Variants in CSMD1 observed in about 807,000 individuals in gnomAD.
CSMD1 encodes the protein CUB and Sushi multiple domains 1, also known as CUB and sushi domain-containing protein 1.
A neutral mutation model predicts 417.5 loss-of-function variants in CSMD1; 213 were observed. The ratio of observed to expected loss-of-function variants is 0.51; its 90% CI spans 0.46 to 0.57. The LOEUF (loss-of-function observed/expected upper bound fraction) is 0.57, where lower values mean the gene tolerates loss of function less well. Among genes scored for constraint, CSMD1 ranks in the 20% least tolerant of loss-of-function variants. CSMD1 has a pLI of 0.00. For synonymous variants in CSMD1, 2,862 were observed against 1,736.8 expected (o/e 1.65, Z -16.11); for missense variants, 6,923 against 4,529.7 (o/e 1.53, Z -15.17).
intron 2 of CSMD1, among the ~76,000 whole-genome samples, chr8:4,464,295 T>C (rs1338618953): frequency 6.6e-6 from 1 of 152,188 alleles, no homozygotes; most frequent in Admixed American, 6.5e-5. Context: ...TATGTATGCA[T>C]GCAATGGACA....
intron 5 of CSMD1, among the ~76,000 whole-genome samples, chr8:3,875,891 C>T (rs1805783861): frequency 6.6e-6 from 1 of 152,136 alleles, no homozygotes. Flanking sequence ...GGTAGGAAAT[C>T]ACAAGCAAAT....
intron 3 of CSMD1, among the ~76,000 whole-genome samples, chr8:4,401,174 A>G (rs897749689): frequency 6.6e-5 from 10 of 152,210 alleles, no homozygotes; most frequent in African/African-American, 2.2e-4. Flanking sequence ...CAGGGGTTCC[A>G]TCCAAATTAA....
chr8:3,675,290 T>C (rs1799315512), intron 7 of CSMD1, among the ~76,000 whole-genome samples: 1 of 152,122 alleles, frequency 6.6e-6, no homozygotes, highest in South Asian at 2.1e-4. Context: ...TCCTGGAGGG[T>C]TGGCAGCACT....
chr8:4,077,637 C>T lies in CSMD1; in HGVS notation c.416-45538G>A, dbSNP rs546609004. The stretch of plus-strand genomic sequence containing the variant: ...GTCATTCAAGGTCAGTAGATCCACC[C>T]GGGTGACAAAAGGGAGGTATATTTG... On this transcript the variant is annotated intron_variant, in intron 3 of 69. Coordinates refer to ENST00000635120, the MANE Select transcript of CSMD1 (RefSeq NM_033225.6). Among the ~76,000 whole-genome samples the T allele has an allele frequency of 7.9e-5, 12 of 152,128 alleles. No individual in the cohort carries two copies. In the South Asian group the frequency reaches 8.3e-4, roughly 11 times the overall value.
chr8:4,283,995 G>GT (rs1796926316), intron 3 of CSMD1, among the ~76,000 whole-genome samples: 1 of 152,176 alleles, frequency 6.6e-6, no homozygotes, highest in South Asian at 2.1e-4. Flanking sequence ...CACTTTGGGA[G>GT]GCCGAGGAAG....
At chr8:3,758,507 A>C (rs918250225) in intron 5 of CSMD1, among the ~76,000 whole-genome samples, 1 of 152,322 alleles carries the variant, frequency 6.6e-6, no homozygotes, top group Admixed American at 6.5e-5. Flanking sequence ...CGCTGTCTAC[A>C]GGGCCAGGAG....
Position 3,354,908 on chromosome 8 carries a change from T to C in CSMD1, c.3304+4244A>G, listed in dbSNP as rs542286362. Among the ~76,000 whole-genome samples, 79 of 151,358 alleles carry C rather than the reference T, an allele frequency of 5.2e-4. 1 individual carries two copies. The highest frequency in any genetic ancestry group is 1.8e-3 in the African/African-American group (74 of 41,406). ...AGATATGTCTATCTATAGATCTATCTATAGATATGTCTATCTATAGATATA... is the reference window on the plus strand; with the variant it reads ...AGATATGTCTATCTATAGATCTATCCATAGATATGTCTATCTATAGATATA... On this transcript the variant is annotated intron_variant, in intron 21 of 69. Coordinates refer to ENST00000635120, the MANE Select transcript of CSMD1 (RefSeq NM_033225.6).
chr8:3,607,430 T>C (rs527709455), intron 8 of CSMD1, among the ~76,000 whole-genome samples: 7 of 152,224 alleles, frequency 4.6e-5, no homozygotes, highest in South Asian at 4.1e-4. Context: ...AAGTATACCA[T>C]TGTAAATGCA....
chr8:3,905,538 G>A (rs1292182752), intron 5 of CSMD1, among the ~76,000 whole-genome samples: 1 of 152,196 alleles, frequency 6.6e-6, no homozygotes, highest in Non-Finnish European at 1.5e-5. Context: ...CATTCAGCAT[G>A]CATTCCCATC....
chr8:3,698,561 A>C (rs1238264446), intron 7 of CSMD1, among the ~76,000 whole-genome samples: 1 of 152,240 alleles, frequency 6.6e-6, no homozygotes, highest in Non-Finnish European at 1.5e-5. Flanking sequence ...GCAGTGTTAG[A>C]AATCACTCTG....
chr8:2,972,804 C>A (rs960738555), intron 57 of CSMD1, among the ~76,000 whole-genome samples: 13 of 152,178 alleles, frequency 8.5e-5, no homozygotes, highest in Admixed American at 2.6e-4. Flanking sequence ...TGGAACCCCA[C>A]TCACTCACTG....
At chr8:3,806,747 A>T (rs1290051308) in intron 5 of CSMD1, among the ~76,000 whole-genome samples, 1 of 152,352 alleles carries the variant, frequency 6.6e-6, no homozygotes, top group East Asian at 1.9e-4. Flanking sequence ...AAATTTAACA[A>T]TGAAGACAAG....
chr8:4,004,370 C>T (rs972918053), intron 4 of CSMD1, among the ~76,000 whole-genome samples: 2 of 150,440 alleles, frequency 1.3e-5, no homozygotes, highest in Admixed American at 6.6e-5. Context: ...ATATTTAAAA[C>T]ATATTAGAGA....
At chr8:4,908,181 C>G (rs1805425327) in intron 1 of CSMD1, among the ~76,000 whole-genome samples, 1 of 152,096 alleles carries the variant, frequency 6.6e-6, no homozygotes, top group Admixed American at 6.6e-5. Flanking sequence ...AAATATTTTG[C>G]TCCATTCTCT....
chr8:3,983,184 G>A (rs559657092), intron 5 of CSMD1, among the ~76,000 whole-genome samples: 9 of 147,332 alleles, frequency 6.1e-5, no homozygotes, highest in African/African-American at 2.0e-4. Flanking sequence ...AGGCTGGAGT[G>A]CAGTGGCGCG....
intron 26 of CSMD1, among the ~76,000 whole-genome samples, chr8:3,255,560 T>A (rs1800589610): frequency 6.6e-6 from 1 of 152,224 alleles, no homozygotes; most frequent in Non-Finnish European, 1.5e-5. Flanking sequence ...CTCAAGCCTG[T>A]GCAATGGTGG....
chr8:3,090,530 A>G (rs1254058419), intron 48 of CSMD1, among the ~76,000 whole-genome samples: 3 of 152,060 alleles, frequency 2.0e-5, no homozygotes, highest in African/African-American at 7.2e-5. Flanking sequence ...ACCATTTTAT[A>G]TGTCTACCAA....
At chr8:4,327,719 A>G (rs899121388) in intron 3 of CSMD1, among the ~76,000 whole-genome samples, 2 of 152,242 alleles carry the variant, frequency 1.3e-5, no homozygotes, top group African/African-American at 2.4e-5. Context: ...TTTAAAATGA[A>G]TAACAAGAGA....
At chr8:3,825,837 G>A (rs1295561894) in intron 5 of CSMD1, among the ~76,000 whole-genome samples, 1 of 152,168 alleles carries the variant, frequency 6.6e-6, no homozygotes, top group African/African-American at 2.4e-5. Flanking sequence ...ATTTAAATAT[G>A]AAATAGACAT....
Sources: gnomAD v4.1 joint callset for allele counts (sites outside exome capture counted in the v4.1 genomes callset) on GRCh38, gnomAD v4.1.1 for gene constraint, MANE v1.5 for transcripts, NCBI Gene and HGNC (gene_info 2026-07-23, HGNC 2026-07-21) for gene names.